KIF26B: variants seen among roughly 807,000 people sequenced by gnomAD.
KIF26B encodes the protein kinesin family member 26B, also known as kinesin-like protein KIF26B.
A neutral mutation model predicts 151.2 loss-of-function variants in KIF26B; 63 were observed. The observed-to-expected ratio is 0.42, with a 90% CI of 0.34 to 0.51. The LOEUF (loss-of-function observed/expected upper bound fraction) is 0.51, where lower values mean the gene tolerates loss of function less well. Among genes scored for constraint, KIF26B ranks in the 20% least tolerant of loss-of-function variants. The pLI is 0.07. For synonymous variants in KIF26B, 1,357 were observed against 1,262.1 expected (o/e 1.08, Z -1.59); for missense variants, 2,813 against 2,913.6 (o/e 0.97, Z 0.79).
chr1:245,678,215 C>G (rs774448426), intron 10 of KIF26B, among the ~76,000 whole-genome samples: 8 of 151,982 alleles, frequency 5.3e-5, no homozygotes, highest in Non-Finnish European at 1.2e-4. Flanking sequence ...TCCTTCTCCT[C>G]TTCACTCTGC....
chr1:245,402,885 C>T (rs570558510), intron 3 of KIF26B, among the ~76,000 whole-genome samples: 4 of 152,248 alleles, frequency 2.6e-5, no homozygotes, highest in South Asian at 4.1e-4. Context: ...CTCATGGCTG[C>T]GAAGAGTTTT....
chr1:245,304,876 A>G (rs1671508163), intron 2 of KIF26B, among the ~76,000 whole-genome samples: 1 of 152,098 alleles, frequency 6.6e-6, no homozygotes, highest in Non-Finnish European at 1.5e-5. Flanking sequence ...CCATCTTTAA[A>G]AAAAAAAATG....
chr1:245,382,109 G>A (rs1356573319), intron 3 of KIF26B, among the ~76,000 whole-genome samples: 1 of 152,120 alleles, frequency 6.6e-6, no homozygotes, highest in Non-Finnish European at 1.5e-5. Context: ...TGGGTCAAAT[G>A]GTGGTTCTGT....
At chr1:245,280,404 G>A (rs1168193206) in intron 2 of KIF26B, among the ~76,000 whole-genome samples, 2 of 149,412 alleles carry the variant, frequency 1.3e-5, no homozygotes, top group Non-Finnish European at 3.0e-5. Context: ...AGTGGCGGGC[G>A]CCTATACTCC....
At chr1:245,437,083 CG>C (rs1658953552) in intron 4 of KIF26B, among the ~76,000 whole-genome samples, 1 of 152,024 alleles carries the variant, frequency 6.6e-6, no homozygotes, top group South Asian at 2.1e-4. Flanking sequence ...GATGGGATTC[CG>C]CCATGTTGCC....
chr1:245,434,519 T>A (rs1426996751), intron 4 of KIF26B, among the ~76,000 whole-genome samples: 1 of 152,030 alleles, frequency 6.6e-6, no homozygotes, highest in Non-Finnish European at 1.5e-5. Context: ...GTCCCCCTCT[T>A]CCCCCACTCC....
intron 4 of KIF26B, among the ~76,000 whole-genome samples, chr1:245,446,867 G>A (rs1298293150): frequency 6.6e-6 from 1 of 152,164 alleles, no homozygotes; most frequent in Admixed American, 6.5e-5. Flanking sequence ...TCACTAGGGA[G>A]TTCCCACCAG....
chr1:245,419,733 CCTT>C lies in KIF26B; in HGVS notation c.1158_1160del (p.Phe387del), dbSNP rs765565051. ...TCCACAGGCACATCGGTGGCCGCCT[CCTT>C]CTTTGCACGGTAAGAGAGCTGTTCA... On this transcript the variant is annotated inframe_deletion, in exon 4 of 15. Coordinates refer to ENST00000407071, the MANE Select transcript of KIF26B (RefSeq NM_018012.4). 6 of 1,611,920 alleles carry C rather than the reference CCTT, an allele frequency of 3.7e-6. No homozygotes were observed. The Admixed American group carries it at 6.7e-5, about 18-fold the overall frequency.
chr1:245,588,325 AC>A (rs1007800146), intron 5 of KIF26B, among the ~76,000 whole-genome samples: 1 of 152,174 alleles, frequency 6.6e-6, no homozygotes, highest in African/African-American at 2.4e-5. Context: ...ATTAGAACTT[AC>A]CATTCTGCTT....
intron 3 of KIF26B, among the ~76,000 whole-genome samples, chr1:245,400,423 A>G (rs1289130747): frequency 6.6e-6 from 1 of 152,140 alleles, no homozygotes; most frequent in Admixed American, 6.5e-5. Context: ...CTAGTATTCT[A>G]AATTCATAAT....
chr1:245,700,856 C>T (rs2044761338), intron 14 of KIF26B, among the ~76,000 whole-genome samples: 1 of 152,236 alleles, frequency 6.6e-6, no homozygotes, highest in Non-Finnish European at 1.5e-5. Flanking sequence ...CTTATCCCTC[C>T]CCGCTGCGGA....
chr1:245,404,744 C>T (rs1203411380), intron 3 of KIF26B, among the ~76,000 whole-genome samples: 1 of 152,178 alleles, frequency 6.6e-6, no homozygotes, highest in Non-Finnish European at 1.5e-5. Context: ...TGAGATGGTA[C>T]AATTCTCTGG....
At chr1:245,612,671 G>A (rs990627047) in intron 9 of KIF26B, among the ~76,000 whole-genome samples, 3 of 152,138 alleles carry the variant, frequency 2.0e-5, no homozygotes, top group African/African-American at 4.8e-5. Flanking sequence ...AAAGCACTCC[G>A]GCAGTGTGTT....
intron 5 of KIF26B, among the ~76,000 whole-genome samples, chr1:245,566,361 C>G (rs1189766403): frequency 6.6e-6 from 1 of 152,228 alleles, no homozygotes; most frequent in Non-Finnish European, 1.5e-5. Context: ...ACCTTTCACC[C>G]AAAAGAACCA....
intron 2 of KIF26B, among the ~76,000 whole-genome samples, chr1:245,317,454 A>C (rs1420919101): frequency 6.6e-6 from 1 of 152,208 alleles, no homozygotes; most frequent in Non-Finnish European, 1.5e-5. Flanking sequence ...CACTGCTGAG[A>C]AAAACAGACT....
intron 2 of KIF26B, among the ~76,000 whole-genome samples, chr1:245,201,043 T>A (rs919867173): frequency 6.6e-5 from 10 of 152,196 alleles, no homozygotes. Flanking sequence ...GACAGGATTA[T>A]CTTCACTTTA....
intron 9 of KIF26B, among the ~76,000 whole-genome samples, chr1:245,613,788 T>C (rs895144594): frequency 6.6e-6 from 1 of 152,210 alleles, no homozygotes; most frequent in Non-Finnish European, 1.5e-5. Context: ...TCCTACTCTT[T>C]AGTTACTGTT....
At chr1:245,514,389 C>G (rs2103085859) in intron 4 of KIF26B, among the ~76,000 whole-genome samples, 1 of 152,086 alleles carries the variant, frequency 6.6e-6, no homozygotes, top group East Asian at 1.9e-4. Context: ...GTTAGCCAGG[C>G]ATGGTGGCGG....
chr1:245,543,716 G>A (rs1286160407), intron 5 of KIF26B, among the ~76,000 whole-genome samples: 2 of 152,188 alleles, frequency 1.3e-5, no homozygotes, highest in African/African-American at 2.4e-5. Flanking sequence ...TTGGGAGGCC[G>A]AGGCGGGCGG....
Sources: gnomAD v4.1 joint callset for allele counts (sites outside exome capture counted in the v4.1 genomes callset) on GRCh38, gnomAD v4.1.1 for gene constraint, MANE v1.5 for transcripts, NCBI Gene and HGNC (gene_info 2026-07-23, HGNC 2026-07-21) for gene names.